EXOC6: variants seen among roughly 807,000 people sequenced by gnomAD.
EXOC6 encodes the protein exocyst complex component 6.
A neutral mutation model predicts 112.5 loss-of-function variants in EXOC6; 60 were observed. The observed-to-expected ratio is 0.53, with a 90% CI of 0.43 to 0.66. EXOC6 has a LOEUF of 0.66. Among genes scored for constraint, EXOC6 ranks in the 30% least tolerant of loss-of-function variants. The pLI is 0.00. For synonymous variants in EXOC6, 295 were observed against 308.0 expected (o/e 0.96, Z 0.44); for missense variants, 855 against 957.1 (o/e 0.89, Z 1.41).
intron 17 of EXOC6, among the ~76,000 whole-genome samples, chr10:92,966,431 TC>T (rs1490432508): frequency 3.4e-5 from 3 of 87,192 alleles, no homozygotes; most frequent in Non-Finnish European, 6.5e-5. Context: ...ATGCTATCCC[TC>T]CCCCCTCCCC....
upstream of EXOC6, chr10:92,848,513 G>T: frequency 7.4e-7 from 1 of 1,349,254 alleles, no homozygotes. Flanking sequence ...CGCCTCGCTG[G>T]CTCCTCAGCT....
chr10:92,848,580 G>A lies in EXOC6; in HGVS notation c.47G>A (p.Arg16Gln). 1 of 1,452,584 alleles carries A rather than the reference G, an allele frequency of 6.9e-7. No homozygotes were observed. The highest frequency in any genetic ancestry group is 9.2e-7 in the Non-Finnish European group (1 of 1,085,638). 90.0% of individuals were successfully genotyped at this position (1,452,584 alleles called of 1,614,324 possible). ...CTGGGCACCGTCCCCGAGCACGAGC[G>A]GATCTTGCAGGAGATCGAGAGCACC... ...ESLGTVPEHE[R>Q]ILQEIESTDT... The change falls in exon 1 of 22, where the codon CGG becomes CAG. Residue 16 changes from arginine to glutamine, a missense_variant. This residue lies in a region of EXOC6 where 405 missense variants were observed against 393.6 expected (regional missense o/e 1.03). Coordinates refer to ENST00000260762, the MANE Select transcript of EXOC6 (RefSeq NM_019053.6).
At chr10:92,987,371 C>T (rs1285139920) in intron 18 of EXOC6, among the ~76,000 whole-genome samples, 1 of 152,056 alleles carries the variant, frequency 6.6e-6, no homozygotes, top group African/African-American at 2.4e-5. Flanking sequence ...ATGAGAGAGA[C>T]AAAAGTTTGG....
upstream of EXOC6, among the ~76,000 whole-genome samples, chr10:92,845,661 G>C (rs1051638391): frequency 2.0e-5 from 3 of 152,040 alleles, no homozygotes; most frequent in Admixed American, 2.0e-4. Context: ...AGTTAGGGCC[G>C]GGGACGGTGG....
chr10:92,962,253 C>T (rs910121152), intron 17 of EXOC6, among the ~76,000 whole-genome samples: 1 of 152,070 alleles, frequency 6.6e-6, no homozygotes, highest in African/African-American at 2.4e-5. Context: ...AAAAGATAGT[C>T]CTGTAAACAA....
At chr10:92,908,365 A>G (rs976778561) in intron 5 of EXOC6, among the ~76,000 whole-genome samples, 3 of 151,862 alleles carry the variant, frequency 2.0e-5, no homozygotes, top group African/African-American at 4.8e-5. Flanking sequence ...GGTCTTTTCA[A>G]CTTGCTTTTG....
chr10:93,032,279 T>C (rs1236689164), intron 20 of EXOC6, among the ~76,000 whole-genome samples: 3 of 152,074 alleles, frequency 2.0e-5, no homozygotes, highest in Non-Finnish European at 4.4e-5. Context: ...AAGGCTGCAG[T>C]GAGCTATGAT....
chr10:93,033,221 T>C (rs1190148949), intron 20 of EXOC6, among the ~76,000 whole-genome samples: 1 of 152,182 alleles, frequency 6.6e-6, no homozygotes, highest in Non-Finnish European at 1.5e-5. Flanking sequence ...AGGGACAAAA[T>C]TAGAATCAGG....
chr10:92,958,380 T>A (rs12242884), intron 17 of EXOC6, among the ~76,000 whole-genome samples: 3,341 of 152,318 alleles, frequency 0.022, 122 homozygotes, highest in African/African-American at 0.077. Flanking sequence ...TCCAAGGAGC[T>A]TTTCCAGCCT....
At chr10:92,844,150 A>G (rs1846966625), upstream of EXOC6, among the ~76,000 whole-genome samples, 2 of 78,082 alleles carry the variant, frequency 2.6e-5, no homozygotes, top group African/African-American at 1.0e-4. Context: ...ACTGTGTCTC[A>G]GAAAAAAAAA....
intron 20 of EXOC6, among the ~76,000 whole-genome samples, chr10:93,034,159 C>G (rs1469753792): frequency 1.3e-5 from 2 of 152,116 alleles, no homozygotes; most frequent in Non-Finnish European, 2.9e-5. Context: ...ATCTTGATTG[C>G]TAAAGTTAGG....
chr10:93,053,569 G>A (rs1182718354), intron 20 of EXOC6, among the ~76,000 whole-genome samples: 1 of 152,160 alleles, frequency 6.6e-6, no homozygotes, highest in Non-Finnish European at 1.5e-5. Flanking sequence ...AGAGATACAG[G>A]GATGTCACTT....
Position 92,952,327 on chromosome 10 carries a change from C to T in EXOC6, c.1471C>T (p.Gln491Ter). 6.2e-7 allele frequency: 1 copy of T among 1,612,946 alleles called. No homozygotes were observed. Among genetic ancestry groups the T allele is most frequent in the African/African-American group, 1.3e-5 (1 of 75,022 alleles). Residue 491 changes from glutamine (Q) to a stop codon, truncating the protein, a stop_gained, in exon 15 of 22, where the codon CAA (glutamine) becomes TAA (stop). Transcript: ENST00000260762. LOFTEE classifies it high-confidence loss of function. ...MSQSVPHIYI[Q>*]VKEFIYASLK... ...TCAGTCAGTGCCTCATATTTACATT[C>T]AAGTTAAAGAATTTATTTATGCCAG...
At chr10:92,987,592 C>T (rs754556764) in intron 18 of EXOC6, 28 of 983,434 alleles carry the variant, frequency 2.8e-5, no homozygotes, top group Non-Finnish European at 3.3e-5. Context: ...TATTTGATTG[C>T]CTTGCTGACT....
chr10:92,851,632 G>GGAGC (rs1314666557), intron 1 of EXOC6, among the ~76,000 whole-genome samples: 2 of 151,506 alleles, frequency 1.3e-5, no homozygotes, highest in Non-Finnish European at 2.9e-5. Flanking sequence ...CCTGAGCGAC[G>GGAGC]GAGCGAGACT....
At chr10:92,887,058 T>A (rs943685090) in intron 1 of EXOC6, among the ~76,000 whole-genome samples, 2 of 152,188 alleles carry the variant, frequency 1.3e-5, no homozygotes, top group Non-Finnish European at 2.9e-5. Context: ...GAAGAGCACA[T>A]CTTCTCTTCA....
At chr10:92,907,266 G>C (rs1850494664) in intron 5 of EXOC6, among the ~76,000 whole-genome samples, 2 of 152,188 alleles carry the variant, frequency 1.3e-5, no homozygotes. Flanking sequence ...CTTTAGGGAG[G>C]TTGTATATGT....
intron 17 of EXOC6, among the ~76,000 whole-genome samples, chr10:92,958,647 T>G (rs1853822585): frequency 6.6e-6 from 1 of 152,224 alleles, no homozygotes; most frequent in African/African-American, 2.4e-5. Context: ...ATTTAATGTA[T>G]TCCCCATTAA....
chr10:92,925,706 C>T (rs1851676092), intron 8 of EXOC6, among the ~76,000 whole-genome samples: 1 of 152,026 alleles, frequency 6.6e-6, no homozygotes, highest in South Asian at 2.1e-4. Flanking sequence ...GTTGTCCAGC[C>T]TGGAGTGCAG....
Sources: gnomAD v4.1 joint callset for allele counts (sites outside exome capture counted in the v4.1 genomes callset) on GRCh38, gnomAD v4.1.1 for gene constraint, gnomAD v4.1.1 regional missense constraint, MANE v1.5 for transcripts, NCBI Gene and HGNC (gene_info 2026-07-23, HGNC 2026-07-21) for gene names.